MCCC1: variants seen among roughly 807,000 people sequenced by gnomAD.
MCCC1 encodes the protein methylcrotonoyl-CoA carboxylase subunit alpha, mitochondrial.
MCCC1 carries 64 observed loss-of-function variants against 83.8 expected under a neutral mutation model. The observed-to-expected ratio is 0.76, with a 90% CI of 0.62 to 0.94. MCCC1 has a LOEUF of 0.94. Ranked by LOEUF, MCCC1 falls within the 40% of genes least tolerant of loss-of-function variation. The pLI, the probability that MCCC1 is intolerant of heterozygous loss-of-function variation, is 0.00. For missense variants in MCCC1, 807 were observed against 904.7 expected (o/e 0.89, Z 1.39); for synonymous variants, 322 against 315.4 (o/e 1.02, Z -0.22).
chr3:183,092,310 G>C, intron 3 of MCCC1, 99 bp downstream of exon 3: 1 of 1,502,106 alleles, frequency 6.7e-7, no homozygotes, highest in South Asian at 1.1e-5. Flanking sequence ...CTTCAACCCT[G>C]ATAACACTAG....
chr3:183,078,507 G>C (rs1253267558), intron 4 of MCCC1, among the ~76,000 whole-genome samples: 2 of 151,962 alleles, frequency 1.3e-5, no homozygotes, highest in African/African-American at 4.8e-5. Context: ...TAATAATATT[G>C]AGTGTTCTGA....
At chr3:183,029,237 C>T (rs1712853205) in intron 14 of MCCC1, 1 of 152,164 alleles carries the variant, frequency 6.6e-6, no homozygotes, top group Non-Finnish European at 1.5e-5. Context: ...AATTTGTCTG[C>T]TTCTGATACT....
In MCCC1 at chr3:183,057,398, A is replaced by C. The variant is rs776727181; in HGVS notation, c.786T>G (p.Gly262=). 2 of 1,608,496 alleles carry C rather than the reference A, an allele frequency of 1.2e-6. No homozygotes were observed. Among genetic ancestry groups the C allele is most frequent in the East Asian group, 2.2e-5 (1 of 44,850 alleles). Residue 262 remains glycine, a synonymous_variant, in exon 8 of 19, where the codon GGT becomes GGG. Coordinates refer to ENST00000265594, the MANE Select transcript of MCCC1 (RefSeq NM_020166.5). Reference sequence around the variant, plus strand: ...AGTACACAGCATTGCCATGGTGATCACCAAACACCTGGACTTCTACATGCC... The same window carrying C: ...AGTACACAGCATTGCCATGGTGATCCCCAAACACCTGGACTTCTACATGCC... ...TPRHVEVQVF[G]DHHGNAVYLF... is the part of the protein sequence containing the mutation.
Position 183,072,600 on chromosome 3 carries a change from A to T in MCCC1, c.370-113T>A, listed in dbSNP as rs939782499. Reference sequence around the variant, plus strand: ...GGCCTCTCCCTACACTGGTAATAGTATGGTCTCTATTAAACTCTGTTTCCA... The same window carrying T: ...GGCCTCTCCCTACACTGGTAATAGTTTGGTCTCTATTAAACTCTGTTTCCA... On this transcript the variant is annotated intron_variant, in intron 4 of 18. Transcript: ENST00000265594. 104 of 1,147,316 alleles carry T rather than the reference A, an allele frequency of 9.1e-5. 1 individual carries two copies. In the South Asian group the frequency reaches 1.3e-3, roughly 15 times the overall value. 71.1% of individuals were successfully genotyped at this position (1,147,316 alleles called of 1,614,324 possible).
At chr3:183,089,016 C>T (rs1490333017) in intron 3 of MCCC1, among the ~76,000 whole-genome samples, 2 of 152,222 alleles carry the variant, frequency 1.3e-5, no homozygotes, top group Non-Finnish European at 2.9e-5. Flanking sequence ...GGGACAGAAA[C>T]CTACAGGAAT....
At chr3:183,112,475 T>C (rs1406775656) in intron 1 of MCCC1, among the ~76,000 whole-genome samples, 1 of 152,048 alleles carries the variant, frequency 6.6e-6, no homozygotes, top group African/African-American at 2.4e-5. Context: ...TTTTCTCTCA[T>C]GCATATGAGT....
chr3:183,102,038 C>G (rs1719319065), upstream of MCCC1, among the ~76,000 whole-genome samples: 1 of 152,184 alleles, frequency 6.6e-6, no homozygotes, highest in Non-Finnish European at 1.5e-5. Flanking sequence ...AGCTGTAACA[C>G]TCACCGCGAG....
At chr3:183,073,966 G>A (rs976990177) in intron 4 of MCCC1, among the ~76,000 whole-genome samples, 1 of 152,224 alleles carries the variant, frequency 6.6e-6, no homozygotes, top group African/African-American at 2.4e-5. Context: ...CAGATGGGGA[G>A]TGGAGACAGC....
chr3:183,026,782 T>C (rs982629424), intron 14 of MCCC1, among the ~76,000 whole-genome samples: 1 of 152,208 alleles, frequency 6.6e-6, no homozygotes, highest in African/African-American at 2.4e-5. Flanking sequence ...CCTGATCACC[T>C]CTGTCATCTT....
At chr3:183,084,729 C>T (rs966811409) in intron 4 of MCCC1, among the ~76,000 whole-genome samples, 4 of 152,006 alleles carry the variant, frequency 2.6e-5, no homozygotes, top group African/African-American at 4.8e-5. Flanking sequence ...TGAGACCAGC[C>T]TGGGCAACAC....
chr3:183,079,043 T>C (rs1717293210), intron 4 of MCCC1, among the ~76,000 whole-genome samples: 1 of 152,202 alleles, frequency 6.6e-6, no homozygotes, highest in Non-Finnish European at 1.5e-5. Flanking sequence ...TCCCACTGGG[T>C]TCCTCCCACG....
intron 15 of MCCC1, 48 bp from the exon 16 acceptor site, chr3:183,022,602 C>G: frequency 6.9e-7 from 1 of 1,454,100 alleles, no homozygotes; most frequent in Non-Finnish European, 9.6e-7. Context: ...AACAACACTA[C>G]AGAATTAATA....
chr3:183,049,396 C>T (rs1714786931), intron 9 of MCCC1, among the ~76,000 whole-genome samples: 1 of 151,586 alleles, frequency 6.6e-6, no homozygotes, highest in Admixed American at 6.6e-5. Flanking sequence ...ATGGTGAAAC[C>T]CATCTCTACT....
rs112441170 is a variant in MCCC1 at position 183,083,001 on chromosome 3, G to A, written c.369+3692C>T. 4.0e-3 allele frequency among the ~76,000 whole-genome samples: 607 copies of A among 151,846 alleles called. 2 individuals are homozygous for A. Among genetic ancestry groups the A allele is most frequent in the Non-Finnish European group, 6.7e-3 (453 of 67,944 alleles). On this transcript the variant is annotated intron_variant, in intron 4 of 18. Coordinates refer to ENST00000265594, the MANE Select transcript of MCCC1 (RefSeq NM_020166.5). ...TGAGACAACGTCTTAAAAAAAAAAGGCTAGCCTAAAAAATATTTACATCTT... is the reference window on the plus strand; with the variant it reads ...TGAGACAACGTCTTAAAAAAAAAAGACTAGCCTAAAAAATATTTACATCTT...
Position 183,099,227 on chromosome 3 carries a change from C to A in MCCC1, c.89+125G>T, listed in dbSNP as rs766163450. The stretch of plus-strand genomic sequence containing the variant: ...TGCCGGCAGAACCCCTCCGAAAGTG[C>A]CTGGGGTTTTCCTACCGTCCTCCCC... On this transcript the variant is annotated intron_variant, in intron 1 of 18. Coordinates refer to ENST00000265594, the MANE Select transcript of MCCC1 (RefSeq NM_020166.5). 236 of 1,119,170 alleles carry A rather than the reference C, an allele frequency of 2.1e-4. 1 individual carries two copies. The highest frequency in any genetic ancestry group is 3.0e-4 in the Non-Finnish European group (231 of 771,680). The allele number at this position is 1,119,170 out of a possible 1,614,324, so 69.3% of individuals were successfully genotyped here.
intron 4 of MCCC1, among the ~76,000 whole-genome samples, 195 bp from the exon 5 acceptor site, chr3:183,072,682 A>G (rs919865123): frequency 2.0e-5 from 3 of 152,210 alleles, no homozygotes; most frequent in African/African-American, 7.2e-5. Flanking sequence ...AACCAGATGA[A>G]TCTATATTTC....
rs539085784 is a variant in MCCC1, at chr3:183,095,503, A to C, written c.90-898T>G. ...ACCAGAAAAGCTGCATTCTCATCCG[A>C]GTCCCTCCAATGACCAGCTTGCCCA... On this transcript the variant is annotated intron_variant, in intron 1 of 18. Transcript: ENST00000265594. Among the ~76,000 whole-genome samples the C allele has an allele frequency of 2.3e-3, 349 of 152,328 alleles. 1 individual carries two copies. The highest frequency in any genetic ancestry group is 3.8e-3 in the Non-Finnish European group (256 of 68,030).
At chr3:183,098,966 G>T in intron 1 of MCCC1, 3 of 327,132 alleles carry the variant, frequency 9.2e-6, no homozygotes, top group Non-Finnish European at 1.7e-5. Flanking sequence ...GGAAGTCGTT[G>T]ATCCCTTTGG....
Position 183,020,236 on chromosome 3 carries a change from T to C in MCCC1, c.1871A>G (p.Glu624Gly). The change falls in exon 17 of 19, where the codon GAA becomes GGA. Residue 624 changes from glutamate (E) to glycine (G), a missense_variant and splice_region_variant. Glu to Gly is a moderately conservative substitution (Grantham distance 98). Coordinates refer to ENST00000265594, the MANE Select transcript of MCCC1 (RefSeq NM_020166.5). ...LENTIYLFSK[E>G]GSIEIDIPVP... Reference sequence around the variant, plus strand: ...TGGAATGTCAATCTCAATACTTCCTTCCTAGAAACAGAAAACAAACTGAAA... The same window carrying C: ...TGGAATGTCAATCTCAATACTTCCTCCCTAGAAACAGAAAACAAACTGAAA... The C allele has an allele frequency of 1.9e-6, 3 of 1,610,956 alleles. No homozygotes were observed. The East Asian group carries it at 6.7e-5, about 36-fold the overall frequency.
Sources: gnomAD v4.1 joint callset for allele counts (sites outside exome capture counted in the v4.1 genomes callset) on GRCh38, gnomAD v4.1.1 for gene constraint, MANE v1.5 for transcripts, NCBI Gene and HGNC (gene_info 2026-07-23, HGNC 2026-07-21) for gene names.